Variants in C16orf92 observed in about 807,000 individuals in gnomAD.
The protein encoded by C16orf92 is fertilization-influencing membrane protein.
Under a neutral mutation model 13.7 loss-of-function variants are expected in C16orf92, and 14 were observed. The ratio of observed to expected loss-of-function variants is 1.02; its 90% CI spans 0.67 to 1.60. The LOEUF is 1.60. Among genes scored for constraint, C16orf92 ranks in the 40% most tolerant of loss-of-function variants. C16orf92 has a pLI of 0.00. For synonymous variants in C16orf92, 50 were observed against 57.4 expected (o/e 0.87, Z 0.58); for missense variants, 116 against 139.0 (o/e 0.83, Z 0.83).
In C16orf92 at chr16:30,024,076, T is replaced by G. The variant is rs551129579; in HGVS notation, c.301T>G (p.Cys101Gly). The G allele has an allele frequency of 6.2e-7, 1 of 1,613,346 alleles. No individual in the cohort carries two copies. The highest frequency in any genetic ancestry group is 8.5e-7 in the Non-Finnish European group (1 of 1,179,308). ...VAFFFLLFQF[C>G]THINFQKGA ...GTTCTTCTTTCTCCTTTTCCAGTTCTGCACCCACATGTAAGGCCTGCCCCC... is the reference window on the plus strand; with the variant it reads ...GTTCTTCTTTCTCCTTTTCCAGTTCGGCACCCACATGTAAGGCCTGCCCCC... Residue 101 changes from cysteine to glycine, a missense_variant, in exon 3 of 4, where the codon TGC becomes GGC. Coordinates refer to ENST00000681219, the MANE Select transcript of C16orf92 (RefSeq NM_001109659.2).
downstream of C16orf92, chr16:30,025,144 G>A (rs542231399): frequency 4.6e-5 from 60 of 1,293,148 alleles, no homozygotes; most frequent in Admixed American, 1.5e-4. The surrounding 1 kb of genome is among the most constrained non-coding windows in gnomAD (Gnocchi z 4.1). Flanking sequence ...GTCTCCACGG[G>A]GGTGGGGGTG....
At chr16:30,025,226 C>A (rs909428645), downstream of C16orf92, 2 of 1,517,994 alleles carry the variant, frequency 1.3e-6, no homozygotes, top group African/African-American at 2.8e-5. The surrounding 1 kb of genome is among the most constrained non-coding windows in gnomAD (Gnocchi z 4.1). Context: ...GGAGCGGGGC[C>A]AGAAGAGGCG....
downstream of C16orf92, chr16:30,027,071 T>A (rs1366744158): frequency 4.6e-6 from 3 of 652,044 alleles, no homozygotes; most frequent in Non-Finnish European, 8.5e-6. Context: ...CTCACCCATG[T>A]TCCTCTCTCT....
chr16:30,026,339 G>C (rs1007784235), downstream of C16orf92, among the ~76,000 whole-genome samples: 1 of 152,156 alleles, frequency 6.6e-6, no homozygotes, highest in Non-Finnish European at 1.5e-5. Context: ...TTATGTAACA[G>C]GTGAGGAAAC....
downstream of C16orf92, chr16:30,025,350 C>T (rs1596729687): frequency 1.3e-5 from 21 of 1,591,738 alleles, no homozygotes; most frequent in African/African-American, 2.7e-5. The surrounding 1 kb of genome is among the most constrained non-coding windows in gnomAD (Gnocchi z 4.1). Context: ...AGGGGCAGGC[C>T]GGCATGGCGC....
At chr16:30,025,783 G>A (rs2071101221), downstream of C16orf92, 2 of 1,613,994 alleles carry the variant, frequency 1.2e-6, no homozygotes, top group Non-Finnish European at 1.7e-6. This position sits in a 1 kb window ranked among gnomAD's most constrained non-coding sequence, Gnocchi z 4.1. Context: ...CCATCAACAT[G>A]CAACCCAGAA....
chr16:30,023,478 C>G, intron 1 of C16orf92, 74 bp downstream of exon 1: 2 of 1,484,890 alleles, frequency 1.3e-6, no homozygotes, highest in Non-Finnish European at 1.9e-6. Flanking sequence ...CACTTAGGGA[C>G]TCGGAAGCCA....
At chr16:30,023,600 A>G (rs2070951404) in intron 1 of C16orf92, 127 bp from the exon 2 acceptor site, 1 of 1,555,092 alleles carries the variant, frequency 6.4e-7, no homozygotes, top group Non-Finnish European at 8.8e-7. Context: ...CCTGAGGGAA[A>G]TCAAGACCCT....
downstream of C16orf92, chr16:30,025,614 G>T: frequency 6.9e-7 from 1 of 1,455,606 alleles, no homozygotes; most frequent in Non-Finnish European, 9.6e-7. The surrounding 1 kb of genome is among the most constrained non-coding windows in gnomAD (Gnocchi z 4.1). Flanking sequence ...CAAAATGCAC[G>T]GGGTGAGGGG....
At position 30,023,984 on chromosome 16, in the gene C16orf92, C is replaced by T. The variant is rs1291570236; in HGVS notation, c.224-15C>T. 12 of 1,608,032 alleles carry T rather than the reference C, an allele frequency of 7.5e-6. No individual in the cohort carries two copies. The highest frequency in any genetic ancestry group is 3.3e-5 in the Admixed American group (2 of 60,016). On this transcript the variant is annotated splice_polypyrimidine_tract_variant and intron_variant, in intron 2 of 3. Coordinates refer to ENST00000681219, the MANE Select transcript of C16orf92 (RefSeq NM_001109659.2). ...GGCCATCAGAGGGGAGTTAAGGGTC[C>T]TGTTTGTCTAGCAGGTTCCAGCCCC...
chr16:30,025,853 G>C (rs761682831), downstream of C16orf92: 17 of 1,578,032 alleles, frequency 1.1e-5, no homozygotes, highest in East Asian at 4.5e-5. The surrounding 1 kb of genome is among the most constrained non-coding windows in gnomAD (Gnocchi z 4.1). Flanking sequence ...TGAGGAGCTG[G>C]GGCTCTCCCT....
rs1026022163 is a variant in C16orf92, at chr16:30,024,190, T to G, written c.312-16T>G. The G allele has an allele frequency of 6.2e-7, 1 of 1,613,838 alleles. No homozygotes were observed. The highest frequency in any genetic ancestry group is 8.5e-7 in the Non-Finnish European group (1 of 1,179,860). On this transcript the variant is annotated splice_polypyrimidine_tract_variant and intron_variant, in intron 3 of 3. Transcript: ENST00000681219. ...GCAGGCTGTGACCTCTCCCCTCTGA[T>G]CTCCATGCCCCACAGAAACTTCCAG...
chr16:30,027,323 C>T, downstream of C16orf92: 1 of 391,076 alleles, frequency 2.6e-6, no homozygotes, highest in Non-Finnish European at 5.1e-6. Flanking sequence ...ACTTCCCATG[C>T]ATAGCCTTAT....
Position 30,024,293 on chromosome 16 carries a change from C to A in C16orf92, c.*66C>A. On this transcript the variant is annotated 3_prime_UTR_variant, in exon 4 of 4. Coordinates refer to ENST00000681219, the MANE Select transcript of C16orf92 (RefSeq NM_001109659.2). The stretch of plus-strand genomic sequence containing the variant: ...ACCCACCTCCTCTCCTGTTGATGAG[C>A]AAAAGTTCCCTGCTTTCCTCCTCCC... The A allele has an allele frequency of 6.4e-7, 1 of 1,558,212 alleles. No homozygotes were observed. Among genetic ancestry groups the A allele is most frequent in the Non-Finnish European group, 8.8e-7 (1 of 1,133,580 alleles).
intron 1 of C16orf92, 75 bp from the exon 2 acceptor site, chr16:30,023,652 C>T: frequency 2.5e-6 from 4 of 1,613,396 alleles, no homozygotes; most frequent in Non-Finnish European, 3.4e-6. Flanking sequence ...CACAGGGTCC[C>T]AAGTCAGCTT....
rs369197085 is a variant in C16orf92, at chr16:30,023,664, C to T, written c.65-63C>T. On this transcript the variant is annotated intron_variant, in intron 1 of 3. Transcript: ENST00000681219. ...TCTCACAGGGTCCCAAGTCAGCTTC[C>T]GCCTCGAGAGATAAAGGCAGGGGTC... The T allele has an allele frequency of 3.9e-5, 63 of 1,613,674 alleles. 1 individual carries two copies. In the African/African-American group the frequency reaches 4.8e-4, roughly 12 times the overall value.
At chr16:30,024,867 T>G, downstream of C16orf92, 2 of 295,490 alleles carry the variant, frequency 6.8e-6, no homozygotes, top group East Asian at 6.4e-5. Flanking sequence ...TCTCCCCACA[T>G]TCTGACTCCT....
At chr16:30,025,111 C>G (rs2071047780), downstream of C16orf92, 1 of 1,101,322 alleles carries the variant, frequency 9.1e-7, no homozygotes, top group Non-Finnish European at 1.2e-6. The surrounding 1 kb of genome is among the most constrained non-coding windows in gnomAD (Gnocchi z 4.1). Flanking sequence ...GCTCCCAACC[C>G]CAGCCATCAG....
chr16:30,023,481 G>A (rs1051352796), intron 1 of C16orf92, 77 bp downstream of exon 1: 30 of 1,475,122 alleles, frequency 2.0e-5, no homozygotes, highest in South Asian at 1.1e-4. Context: ...TTAGGGACTC[G>A]GAAGCCAACC....
Sources: gnomAD v4.1 joint callset for allele counts (sites outside exome capture counted in the v4.1 genomes callset) on GRCh38, gnomAD v4.1.1 for gene constraint, Gnocchi (gnomAD v3.1) non-coding constraint, MANE v1.5 for transcripts, NCBI Gene and HGNC (gene_info 2026-07-23, HGNC 2026-07-21) for gene names.